ADGRV1: variants seen among roughly 807,000 people sequenced by gnomAD.
The protein encoded by ADGRV1 is adhesion G protein-coupled receptor V1.
ADGRV1 carries 359 observed loss-of-function variants against 596.2 expected under a neutral mutation model. The ratio of observed to expected loss-of-function variants is 0.60; its 90% CI spans 0.55 to 0.66. The LOEUF is 0.66. ADGRV1 is among the 30% of genes least tolerant of loss of function. ADGRV1 has a pLI of 0.00. For synonymous variants in ADGRV1, 2,681 were observed against 2,679.2 expected (o/e 1.00, Z -0.02); for missense variants, 7,274 against 7,575.6 (o/e 0.96, Z 1.48).
At chr5:91,076,235 C>G (rs1788845881) in intron 86 of ADGRV1, among the ~76,000 whole-genome samples, 1 of 152,120 alleles carries the variant, frequency 6.6e-6, no homozygotes. Flanking sequence ...TTTTGTGAAG[C>G]CTTAGGAATT....
intron 59 of ADGRV1, among the ~76,000 whole-genome samples, chr5:90,773,772 C>T (rs976915301): frequency 6.6e-6 from 1 of 152,160 alleles, no homozygotes; most frequent in Non-Finnish European, 1.5e-5. Flanking sequence ...TGATGAACAA[C>T]GGCTGGCATC....
chr5:90,977,655 C>T (rs1779727392), intron 84 of ADGRV1, among the ~76,000 whole-genome samples: 1 of 152,066 alleles, frequency 6.6e-6, no homozygotes. Context: ...GATATGTCTT[C>T]AATTTTTCTA....
intron 85 of ADGRV1, among the ~76,000 whole-genome samples, chr5:91,058,233 C>G (rs1277664333): frequency 6.6e-6 from 1 of 152,104 alleles, no homozygotes; most frequent in African/African-American, 2.4e-5. Context: ...GGGAGGGTGG[C>G]ATGACCTCTA....
intron 59 of ADGRV1, among the ~76,000 whole-genome samples, chr5:90,765,171 A>T (rs1313544095): frequency 6.6e-6 from 1 of 151,926 alleles, no homozygotes; most frequent in Non-Finnish European, 1.5e-5. Flanking sequence ...GCCTTTCACC[A>T]GTAACTTTGA....
At chr5:90,978,183 T>C (rs1779778515) in intron 84 of ADGRV1, among the ~76,000 whole-genome samples, 1 of 151,802 alleles carries the variant, frequency 6.6e-6, no homozygotes, top group African/African-American at 2.4e-5. Flanking sequence ...TAGTCCCAGC[T>C]ACTAGGGAGG....
At chr5:91,125,602 A>G (rs1333205932) in intron 87 of ADGRV1, among the ~76,000 whole-genome samples, 1 of 152,210 alleles carries the variant, frequency 6.6e-6, no homozygotes. Flanking sequence ...ATCCCAGTAA[A>G]TGAAATAACA....
intron 85 of ADGRV1, among the ~76,000 whole-genome samples, chr5:91,026,144 G>C (rs779082247): frequency 3.3e-5 from 5 of 152,094 alleles, no homozygotes; most frequent in African/African-American, 4.8e-5. Context: ...TATTGAACCT[G>C]CTCCAAGGTC....
intron 28 of ADGRV1, 22 bp from the exon 29 acceptor site, chr5:90,685,758 G>C: frequency 1.3e-6 from 2 of 1,575,306 alleles, no homozygotes; most frequent in Non-Finnish European, 1.7e-6. Flanking sequence ...TCTGTGTTCT[G>C]TGTGGATCTT....
At position 90,670,348 on chromosome 5, in the gene ADGRV1, C is replaced by G. The variant is rs73772438; in HGVS notation, c.4753-2198C>G. ...AGAGGGCAGAGCTGTAAACTGTCCA[C>G]TTAGCCATTTATCTTTTGTGGATGG... On this transcript the variant is annotated intron_variant, in intron 21 of 89. Coordinates refer to ENST00000405460, the MANE Select transcript of ADGRV1 (RefSeq NM_032119.4). Among the ~76,000 whole-genome samples the G allele has an allele frequency of 3.5e-3, 529 of 152,318 alleles. 2 individuals are homozygous for G. Among genetic ancestry groups the G allele is most frequent in the African/African-American group, 0.012 (512 of 41,582 alleles).
At chr5:90,720,302 G>C in intron 44 of ADGRV1, 79 bp downstream of exon 44, 1 of 895,476 alleles carries the variant, frequency 1.1e-6, no homozygotes, top group Non-Finnish European at 1.6e-6. Flanking sequence ...AAATGCAGAA[G>C]GAAATTGATA....
chr5:90,707,391 T>C (rs1280743641), intron 38 of ADGRV1, among the ~76,000 whole-genome samples: 1 of 152,066 alleles, frequency 6.6e-6, no homozygotes, highest in Admixed American at 6.6e-5. Flanking sequence ...ATTTTTCAAT[T>C]ACTATGTATT....
At chr5:90,613,165 C>T (rs558037266) in intron 1 of ADGRV1, among the ~76,000 whole-genome samples, 1 of 152,088 alleles carries the variant, frequency 6.6e-6, no homozygotes, top group Non-Finnish European at 1.5e-5. Flanking sequence ...ATGGTTCTGT[C>T]ACGTCTCCTG....
At chr5:91,074,051 A>G (rs1788626694) in intron 86 of ADGRV1, among the ~76,000 whole-genome samples, 1 of 152,250 alleles carries the variant, frequency 6.6e-6, no homozygotes, top group African/African-American at 2.4e-5. Context: ...AATAAAAAAT[A>G]TTCAATGTAT....
At chr5:90,874,548 A>G (rs951889014) in intron 83 of ADGRV1, among the ~76,000 whole-genome samples, 2 of 151,938 alleles carry the variant, frequency 1.3e-5, no homozygotes, top group Non-Finnish European at 2.9e-5. Flanking sequence ...TTTTTGGCTC[A>G]TACTAGATTT....
At chr5:90,881,026 C>T (rs1383475797) in intron 83 of ADGRV1, among the ~76,000 whole-genome samples, 1 of 152,112 alleles carries the variant, frequency 6.6e-6, no homozygotes, top group Admixed American at 6.5e-5. Context: ...TCTGTCTGCT[C>T]AATGATGTAT....
At chr5:90,768,898 G>A (rs1227836072) in intron 59 of ADGRV1, among the ~76,000 whole-genome samples, 1 of 152,152 alleles carries the variant, frequency 6.6e-6, no homozygotes, top group Non-Finnish European at 1.5e-5. Flanking sequence ...GCAAGATTGG[G>A]CAGGGATGAA....
In ADGRV1 at chr5:90,729,509, G is replaced by C. The variant is rs1580904979; in HGVS notation, c.10427-133G>C. On this transcript the variant is annotated intron_variant, in intron 49 of 89. Transcript: ENST00000405460. The stretch of plus-strand genomic sequence containing the variant: ...CTTTTGAAGTACTTCCTATTAACTT[G>C]TATTTTTATTGGACTAAATGGATTC... The C allele has an allele frequency of 5.9e-6, 4 of 681,230 alleles. No homozygotes were observed. The East Asian group carries it at 1.1e-4, about 19-fold the overall frequency. The allele number at this position is 681,230 out of a possible 1,614,324, so 42.2% of individuals were successfully genotyped here.
intron 83 of ADGRV1, among the ~76,000 whole-genome samples, chr5:90,930,106 T>C (rs1480030611): frequency 6.6e-6 from 1 of 152,222 alleles, no homozygotes; most frequent in Non-Finnish European, 1.5e-5. Context: ...AAAAAATATA[T>C]GATTTGTCTA....
At chr5:90,628,497 A>G in intron 7 of ADGRV1, 65 bp from the exon 8 acceptor site, 1 of 1,375,430 alleles carries the variant, frequency 7.3e-7, no homozygotes, top group South Asian at 1.2e-5. Context: ...TGACATTGGG[A>G]AAGCTTATCT....
Sources: allele counts gnomAD v4.1 joint callset (sites outside exome capture counted in the v4.1 genomes callset), GRCh38; gene constraint gnomAD v4.1.1; transcripts MANE v1.5; gene names NCBI Gene and HGNC (gene_info 2026-07-23, HGNC 2026-07-21).